POMK: variants seen among roughly 807,000 people sequenced by gnomAD.
The protein encoded by POMK is Sugen kinase 196.
Under a neutral mutation model 23.0 loss-of-function variants are expected in POMK, and 19 were observed. The observed-to-expected ratio is 0.83, with a 90% CI of 0.58 to 1.21. The LOEUF is 1.21. POMK is among the 50% of genes most tolerant of loss of function. POMK has a pLI of 0.00. For missense variants in POMK, 410 were observed against 431.3 expected, an observed-to-expected ratio of 0.95 and a Z score of 0.44; for synonymous variants, 173 against 171.6, an observed-to-expected ratio of 1.01 and a Z score of -0.06.
intron 4 of POMK, among the ~76,000 whole-genome samples, chr8:43,107,463 C>T (rs1389061077): frequency 6.6e-6 from 1 of 152,144 alleles, no homozygotes; most frequent in Non-Finnish European, 1.5e-5. Flanking sequence ...CAACCTCCGC[C>T]TCCCGGGTTC....
At chr8:43,101,054 G>T (rs373356189) in intron 2 of POMK, among the ~76,000 whole-genome samples, 9 of 152,236 alleles carry the variant, frequency 5.9e-5, no homozygotes, top group African/African-American at 2.2e-4. Context: ...GCTTGCATCT[G>T]TGGGGTACTG....
intron 4 of POMK, among the ~76,000 whole-genome samples, chr8:43,115,977 A>G (rs1385051367): frequency 2.6e-5 from 4 of 152,204 alleles, no homozygotes; most frequent in African/African-American, 7.2e-5. Flanking sequence ...GTAGTTCCAC[A>G]AATAACAAGT....
At chr8:43,106,046 T>C (rs534646555) in intron 4 of POMK, among the ~76,000 whole-genome samples, 1 of 152,234 alleles carries the variant, frequency 6.6e-6, no homozygotes, top group Non-Finnish European at 1.5e-5. Flanking sequence ...TAGTTCTGTT[T>C]GTAATTTTCT....
chr8:43,108,468 A>G (rs968964145), intron 4 of POMK, among the ~76,000 whole-genome samples: 6 of 152,276 alleles, frequency 3.9e-5, no homozygotes, highest in Non-Finnish European at 8.8e-5. Flanking sequence ...AGTAGAAACA[A>G]ATATGCGCCA....
Position 43,123,291 on chromosome 8 carries a change from C to T in POMK, c.*414C>T, listed in dbSNP as rs144993609. ...GCTGGTCCCGAACTCCTGACTTCCT[C>T]GGCCTCCCAAAGTGTTGGGATTACA... On this transcript the variant is annotated 3_prime_UTR_variant, in exon 5 of 5. Coordinates refer to ENST00000331373, the MANE Select transcript of POMK (RefSeq NM_032237.5). The T allele has an allele frequency of 5.3e-3, 847 of 158,916 alleles. 6 individuals carry two copies. The highest frequency in any genetic ancestry group is 0.019 in the African/African-American group (799 of 41,600). The allele number at this position is 158,916 out of a possible 1,614,324, so 9.8% of individuals were successfully genotyped here.
intron 4 of POMK, among the ~76,000 whole-genome samples, chr8:43,116,615 A>T (rs993525785): frequency 6.6e-6 from 1 of 152,192 alleles, no homozygotes; most frequent in Non-Finnish European, 1.5e-5. Flanking sequence ...AAAGGATCTC[A>T]TAGGTAATAC....
intron 2 of POMK, among the ~76,000 whole-genome samples, chr8:43,099,835 T>C (rs1811402805): frequency 6.6e-6 from 1 of 152,134 alleles, no homozygotes; most frequent in Non-Finnish European, 1.5e-5. Flanking sequence ...CTCTGATTGC[T>C]TCTGTTTTTC....
At chr8:43,108,200 G>A (rs1392794824) in intron 4 of POMK, among the ~76,000 whole-genome samples, 1 of 152,152 alleles carries the variant, frequency 6.6e-6, no homozygotes, top group Non-Finnish European at 1.5e-5. Flanking sequence ...CCATGGGTCA[G>A]GAACCCTGTA....
chr8:43,104,137 T>G (rs966327836), intron 4 of POMK, among the ~76,000 whole-genome samples: 1 of 152,100 alleles, frequency 6.6e-6, no homozygotes, highest in African/African-American at 2.4e-5. Context: ...CTTTATCTTT[T>G]TTTTTTTGAG....
In POMK at chr8:43,103,712, G is replaced by A. The variant is rs145831713; in HGVS notation, c.164G>A (p.Cys55Tyr). 1.9e-6 allele frequency: 3 copies of A among 1,614,048 alleles called. No homozygotes were observed. The highest frequency in any genetic ancestry group is 2.7e-5 in the African/African-American group (2 of 74,912). Residue 55 changes from cysteine to tyrosine, a missense_variant, in exon 4 of 5, where the codon TGT (cysteine) becomes TAT (tyrosine). By Grantham distance (194) the Cys-to-Tyr change is radical. Transcript: ENST00000331373. ...PRQSTVDPTH[C>Y]PYGHFRIGQM... ...CAATCCACTGTGGACCCCACACACTGTCCCTATGGTCACTTCAGGATAGGA... is the reference window on the plus strand; with the variant it reads ...CAATCCACTGTGGACCCCACACACTATCCCTATGGTCACTTCAGGATAGGA...
At chr8:43,118,210 A>G (rs563938654) in intron 4 of POMK, among the ~76,000 whole-genome samples, 1 of 152,238 alleles carries the variant, frequency 6.6e-6, no homozygotes, top group Non-Finnish European at 1.5e-5. Context: ...TGCCCACACT[A>G]TGAAACATTA....
chr8:43,097,254 A>G (rs1811352628), intron 1 of POMK, among the ~76,000 whole-genome samples: 1 of 152,338 alleles, frequency 6.6e-6, no homozygotes, highest in South Asian at 2.1e-4. Context: ...TGTGGACCCA[A>G]GAATTTGCAT....
intron 4 of POMK, among the ~76,000 whole-genome samples, chr8:43,111,788 G>A (rs1586675407): frequency 6.6e-6 from 1 of 152,202 alleles, no homozygotes; most frequent in South Asian, 2.1e-4. Flanking sequence ...TGCAGCCCCC[G>A]CTGCTGATAC....
At chr8:43,100,610 G>A (rs1267525579) in intron 2 of POMK, among the ~76,000 whole-genome samples, 2 of 151,956 alleles carry the variant, frequency 1.3e-5, no homozygotes, top group Admixed American at 6.6e-5. Flanking sequence ...GCTTGTGGGG[G>A]TTGTGCCGTG....
At chr8:43,106,070 A>G (rs923695621) in intron 4 of POMK, among the ~76,000 whole-genome samples, 1 of 152,156 alleles carries the variant, frequency 6.6e-6, no homozygotes, top group Non-Finnish European at 1.5e-5. Context: ...GAACCTCCAT[A>G]CTGTTTTCCA....
intron 1 of POMK, among the ~76,000 whole-genome samples, chr8:43,093,911 G>T (rs998481506): frequency 2.0e-5 from 3 of 152,212 alleles, no homozygotes; most frequent in Non-Finnish European, 2.9e-5. Flanking sequence ...CGGAACTTCT[G>T]TCTCCGTAAA....
intron 4 of POMK, among the ~76,000 whole-genome samples, chr8:43,113,311 T>A (rs997773336): frequency 2.6e-5 from 4 of 152,218 alleles, no homozygotes; most frequent in Admixed American, 2.6e-4. Context: ...TGTTCATTTC[T>A]TTTTATTCTT....
At chr8:43,122,072 G>A (rs921680402) in intron 4 of POMK, 35 bp from the exon 5 acceptor site, 3 of 1,598,696 alleles carry the variant, frequency 1.9e-6, no homozygotes, top group South Asian at 2.2e-5. Flanking sequence ...TTAGGTGAGA[G>A]TTCAGGCCTG....
rs141628301 is a variant in POMK at position 43,117,516 on chromosome 8, A to G, written c.283-4591A>G. 1.4e-4 allele frequency among the ~76,000 whole-genome samples: 22 copies of G among 152,238 alleles called. 1 individual carries two copies. In the East Asian group the frequency reaches 4.2e-3, roughly 29 times the overall value. ...TAAAGGCAGAAGAAAATCTGTGTGT[A>G]AGTGGAACTGCGCAGTTCAAACCCG... On this transcript the variant is annotated intron_variant, in intron 4 of 4. Coordinates refer to ENST00000331373, the MANE Select transcript of POMK (RefSeq NM_032237.5).
Sources: allele counts gnomAD v4.1 joint callset (sites outside exome capture counted in the v4.1 genomes callset), GRCh38; gene constraint gnomAD v4.1.1; transcripts MANE v1.5; gene names NCBI Gene and HGNC (gene_info 2026-07-23, HGNC 2026-07-21).